The following PLEKHO1 variants were observed in gnomAD, a reference collection of about 807,000 sequenced individuals.
The protein encoded by PLEKHO1 is pleckstrin homology domain-containing family O member 1.
PLEKHO1 carries 22 observed loss-of-function variants against 41.4 expected under a neutral mutation model. That is an observed-to-expected ratio of 0.53 (90% CI 0.38 to 0.76). PLEKHO1 has a LOEUF of 0.76. Ranked by LOEUF, PLEKHO1 falls within the 30% of genes least tolerant of loss-of-function variation. The pLI, the probability that PLEKHO1 is intolerant of heterozygous loss-of-function variation, is 0.00. For missense variants in PLEKHO1, 488 were observed against 518.3 expected (o/e 0.94, Z 0.57); for synonymous variants, 225 against 210.8 (o/e 1.07, Z -0.58).
At chr1:150,149,815 G>C (rs1309267779), upstream of PLEKHO1, 1 of 152,962 alleles carries the variant, frequency 6.5e-6, no homozygotes. Context: ...CGGGGGGGCG[G>C]GGGGAGCGCC....
intron 2 of PLEKHO1, chr1:150,153,654 G>A (rs940925742): frequency 3.9e-5 from 6 of 152,102 alleles, no homozygotes; most frequent in Admixed American, 6.6e-5. Context: ...TTCTGTGTTC[G>A]ATAGTAATCA....
At chr1:150,155,981 G>C in intron 2 of PLEKHO1, 85 bp from the exon 3 acceptor site, 1 of 1,331,242 alleles carries the variant, frequency 7.5e-7, no homozygotes, top group Non-Finnish European at 1.1e-6. Flanking sequence ...GGCTTCCTCT[G>C]TTTCCCAAGA....
In PLEKHO1 at chr1:150,159,466, G is replaced by A. The variant is rs782011779; in HGVS notation, c.1173G>A (p.Pro391=). 33 of 1,613,832 alleles carry A rather than the reference G, an allele frequency of 2.0e-5. No individual in the cohort carries two copies. Among genetic ancestry groups the A allele is most frequent in the South Asian group, 6.6e-5 (6 of 91,052 alleles). ...DLYRQMDLQT[P]DSHLRQTTPH... ...ACAGACAGATGGACCTGCAGACCCCGGACTCCCACCTCAGACAGACCACCC... is the reference window on the plus strand; with the variant it reads ...ACAGACAGATGGACCTGCAGACCCCAGACTCCCACCTCAGACAGACCACCC... Residue 391 remains proline (P), a synonymous_variant, in exon 6 of 6, where the codon CCG becomes CCA. Coordinates refer to ENST00000369124, the MANE Select transcript of PLEKHO1 (RefSeq NM_016274.6).
Position 150,159,461 on chromosome 1 carries a change from A to G in PLEKHO1, c.1168A>G (p.Thr390Ala). Residue 390 changes from threonine (T) to alanine (A), a missense_variant, in exon 6 of 6, where the codon ACC (threonine) becomes GCC (alanine). Thr to Ala is a moderately conservative substitution (Grantham distance 58). Coordinates refer to ENST00000369124, the MANE Select transcript of PLEKHO1 (RefSeq NM_016274.6). ...RDLYRQMDLQ[T>A]PDSHLRQTTP... ...CCTGTACAGACAGATGGACCTGCAGACCCCGGACTCCCACCTCAGACAGAC... is the reference window on the plus strand; with the variant it reads ...CCTGTACAGACAGATGGACCTGCAGGCCCCGGACTCCCACCTCAGACAGAC... 6.2e-7 allele frequency: 1 copy of G among 1,613,770 alleles called. No individual in the cohort carries two copies.
At chr1:150,157,348 C>T (rs1553820649) in intron 4 of PLEKHO1, 37 bp from the exon 5 acceptor site, 4 of 1,486,446 alleles carry the variant, frequency 2.7e-6, no homozygotes, top group Non-Finnish European at 3.8e-6. Flanking sequence ...CAGCGAGTCG[C>T]TGAAGAGCAC....
chr1:150,150,228 C>A lies in PLEKHO1; in HGVS notation c.-30C>A, dbSNP rs782007643. 9.6e-7 allele frequency: 1 copy of A among 1,042,418 alleles called. No individual in the cohort carries two copies. Among genetic ancestry groups the A allele is most frequent in the South Asian group, 3.5e-5 (1 of 28,180 alleles). The allele number at this position is 1,042,418 out of a possible 1,614,324, so 64.6% of individuals were successfully genotyped here. ...GCCCCGACGCGGGGCCGCCCCTCGG[C>A]TCGCCGCCCCGCGCCCGCGCCCGCT... On this transcript the variant is annotated 5_prime_UTR_variant, in exon 1 of 6. Transcript: ENST00000369124.
chr1:150,156,143 G>A lies in PLEKHO1; in HGVS notation c.255G>A (p.Lys85=). The change falls in exon 3 of 6, where the codon AAG becomes AAA. Residue 85 remains lysine (K), a synonymous_variant. Transcript: ENST00000369124. ...YEKCEELRKS[K]SRSKKNHSKF... is the part of the protein sequence containing the mutation. Reference sequence around the variant, plus strand: ...AGTGTGAAGAGCTCCGGAAGTCCAAGAGCAGGAGCAAGAAAAATCATAGCA... The same window carrying A: ...AGTGTGAAGAGCTCCGGAAGTCCAAAAGCAGGAGCAAGAAAAATCATAGCA... 5 of 1,613,710 alleles carry A rather than the reference G, an allele frequency of 3.1e-6. No homozygotes were observed. Among genetic ancestry groups the A allele is most frequent in the Non-Finnish European group, 4.2e-6 (5 of 1,179,630 alleles).
At chr1:150,152,023 G>C (rs1186916438) in intron 2 of PLEKHO1, among the ~76,000 whole-genome samples, 3 of 152,144 alleles carry the variant, frequency 2.0e-5, no homozygotes, top group African/African-American at 7.2e-5. Flanking sequence ...GAGGTATTCT[G>C]TGTTCCCTCA....
At chr1:150,150,367 T>A in intron 1 of PLEKHO1, 80 bp downstream of exon 1, 2 of 681,142 alleles carry the variant, frequency 2.9e-6, no homozygotes, top group Non-Finnish European at 3.6e-6. Context: ...CGCGGCGGCC[T>A]GGGAGACCCA....
Position 150,159,063 on chromosome 1 carries a change from C to T in PLEKHO1, c.770C>T (p.Ala257Val). Residue 257 changes from alanine to valine, a missense_variant, in exon 6 of 6, where the codon GCA becomes GTA. Physicochemically the swap from Ala to Val is moderately conservative, Grantham distance 64. Coordinates refer to ENST00000369124, the MANE Select transcript of PLEKHO1 (RefSeq NM_016274.6). ...TDKGATYTPQ[A>V]PKKLTPTEKG... ...AAAGGGGCCACCTACACCCCCCAGG[C>T]ACCCAAGAAGTTGACGCCCACAGAG... 6.2e-7 allele frequency: 1 copy of T among 1,614,100 alleles called. No individual in the cohort carries two copies. Among genetic ancestry groups the T allele is most frequent in the Non-Finnish European group, 8.5e-7 (1 of 1,179,958 alleles).
At chr1:150,154,022 C>G (rs1029257697) in intron 2 of PLEKHO1, 2 of 152,372 alleles carry the variant, frequency 1.3e-5, no homozygotes, top group African/African-American at 4.8e-5. Flanking sequence ...ATCTCCCACC[C>G]TCTCCACCAA....
At chr1:150,150,616 G>A (rs1659861633) in intron 1 of PLEKHO1, 2 of 296,128 alleles carry the variant, frequency 6.8e-6, no homozygotes. Flanking sequence ...CGCGCGGCGA[G>A]GACGGGGCGG....
At chr1:150,156,270 C>A in intron 3 of PLEKHO1, 64 bp downstream of exon 3, 1 of 1,351,348 alleles carries the variant, frequency 7.4e-7, no homozygotes, top group Admixed American at 2.0e-5. Flanking sequence ...CAGGGGAGAA[C>A]TCCTTCCCCT....
At position 150,155,812 on chromosome 1, in the gene PLEKHO1, A is replaced by G. The variant is rs11205334; in HGVS notation, c.178-254A>G. On this transcript the variant is annotated intron_variant, in intron 2 of 5. Coordinates refer to ENST00000369124, the MANE Select transcript of PLEKHO1 (RefSeq NM_016274.6). ...AGAGAGGCATAGTGGGACTCTGGAA[A>G]TGGCAGCCTGGCTAAGGAGAGTGAA... 3,473 of 380,934 alleles carry G rather than the reference A, an allele frequency of 9.1e-3. 110 individuals carry two copies. Among genetic ancestry groups the G allele is most frequent in the African/African-American group, 0.067 (3,227 of 48,450 alleles). The allele number at this position is 380,934 out of a possible 1,614,324, so 23.6% of individuals were successfully genotyped here. A position where few individuals can be genotyped will look rare whatever the true frequency, so the allele number is the denominator to read the frequency against.
intron 5 of PLEKHO1, 135 bp from the exon 6 acceptor site, chr1:150,158,682 CTG>C: frequency 3.0e-6 from 2 of 675,020 alleles, no homozygotes; most frequent in Non-Finnish European, 5.2e-6. Flanking sequence ...GAGCAAGACT[CTG>C]TCTCTAAAAA....
upstream of PLEKHO1, chr1:150,149,869 C>A (rs1471611409): frequency 1.3e-5 from 2 of 151,742 alleles, no homozygotes; most frequent in African/African-American, 4.8e-5. Context: ...GAACTCGCAA[C>A]GTCAGCGGCC....
At chr1:150,151,123 C>G (rs1467263179) in intron 2 of PLEKHO1, 65 bp downstream of exon 2, 13 of 1,575,000 alleles carry the variant, frequency 8.3e-6, no homozygotes, top group Non-Finnish European at 1.1e-5. Context: ...TCCCCAAGGG[C>G]TCGCCTAGCT....
chr1:150,152,698 A>AAAAAAC (rs1659996973), intron 2 of PLEKHO1: 7 of 141,652 alleles, frequency 4.9e-5, no homozygotes, highest in Non-Finnish European at 1.0e-4. Context: ...TAAAAAAAAA[A>AAAAAAC]AAAAAAAAAA....
chr1:150,158,463 T>G (rs1262583161), intron 5 of PLEKHO1, among the ~76,000 whole-genome samples: 1 of 151,844 alleles, frequency 6.6e-6, no homozygotes, highest in Non-Finnish European at 1.5e-5. Flanking sequence ...AGACGGTGTA[T>G]CACTTGAGGT....
Sources: gnomAD v4.1 joint callset for allele counts (sites outside exome capture counted in the v4.1 genomes callset) on GRCh38, gnomAD v4.1.1 for gene constraint, MANE v1.5 for transcripts, NCBI Gene and HGNC (gene_info 2026-07-23, HGNC 2026-07-21) for gene names.